The following EDC3 variants were observed in gnomAD, a reference collection of about 807,000 sequenced individuals.
The protein encoded by EDC3 is enhancer of mRNA decapping 3, also known as enhancer of mRNA-decapping protein 3.
EDC3 carries 20 observed loss-of-function variants against 41.8 expected under a neutral mutation model. That is an observed-to-expected ratio of 0.48 (90% CI 0.34 to 0.70). The LOEUF is 0.70. EDC3 is among the 30% of genes least tolerant of loss of function. EDC3 has a pLI of 0.01. For synonymous variants in EDC3, 206 were observed against 243.2 expected (o/e 0.85, Z 1.42); for missense variants, 444 against 636.8 (o/e 0.70, Z 3.26).
At chr15:74,651,715 A>G (rs929832787) in intron 4 of EDC3, among the ~76,000 whole-genome samples, 6 of 152,252 alleles carry the variant, frequency 3.9e-5, no homozygotes, top group Non-Finnish European at 8.8e-5. Context: ...GAGCTCTCCA[A>G]GTTACTTCTG....
chr15:74,658,518 T>G (rs183298087), intron 3 of EDC3, among the ~76,000 whole-genome samples: 7 of 149,864 alleles, frequency 4.7e-5, no homozygotes, highest in African/African-American at 4.9e-5. Flanking sequence ...ATAATTATTC[T>G]GAAAGGTATA....
intron 6 of EDC3, chr15:74,635,172 C>G (rs1180707027): frequency 1.5e-6 from 1 of 688,034 alleles, no homozygotes; most frequent in Non-Finnish European, 2.7e-6. Flanking sequence ...AGTGCCTGTT[C>G]AACGAATATT....
At chr15:74,680,044 C>G (rs139036853) in intron 1 of EDC3, 1 of 151,808 alleles carries the variant, frequency 6.6e-6, no homozygotes, top group East Asian at 1.9e-4. Context: ...GGGCGGATCA[C>G]GAGGTCAGGA....
chr15:74,680,928 A>C (rs1466829275), intron 1 of EDC3, among the ~76,000 whole-genome samples: 1 of 152,228 alleles, frequency 6.6e-6, no homozygotes, highest in Non-Finnish European at 1.5e-5. Context: ...AAAAGGGTAC[A>C]GGATTTGTAT....
intron 1 of EDC3, among the ~76,000 whole-genome samples, chr15:74,690,629 T>C (rs901121910): frequency 3.3e-4 from 50 of 152,264 alleles, no homozygotes; most frequent in African/African-American, 1.2e-3. Flanking sequence ...TTAATCAAAA[T>C]ATTGGGAAAG....
In EDC3 at chr15:74,661,431, C is replaced by T. The variant is rs549592596; in HGVS notation, c.485-5363G>A. On this transcript the variant is annotated intron_variant, in intron 3 of 6. Transcript: ENST00000315127. Reference sequence around the variant, plus strand: ...GTTTCTGTAAATAAAGTTTTATTGGCGCACAGTCATGGTCTAGGCAAAGTG... The same window carrying T: ...GTTTCTGTAAATAAAGTTTTATTGGTGCACAGTCATGGTCTAGGCAAAGTG... Among the ~76,000 whole-genome samples the T allele has an allele frequency of 1.3e-3, 204 of 152,178 alleles. 2 individuals carry two copies. The highest frequency in any genetic ancestry group is 4.3e-3 in the African/African-American group (178 of 41,510).
At chr15:74,657,045 T>C (rs373223919) in intron 3 of EDC3, among the ~76,000 whole-genome samples, 1 of 152,216 alleles carries the variant, frequency 6.6e-6, no homozygotes, top group Admixed American at 6.5e-5. Context: ...CTTTAATTCA[T>C]TCATGTGACC....
intron 1 of EDC3, among the ~76,000 whole-genome samples, chr15:74,684,203 A>G (rs2062910032): frequency 6.7e-6 from 1 of 148,730 alleles, no homozygotes; most frequent in Non-Finnish European, 1.5e-5. Flanking sequence ...ATGGCCAGCT[A>G]ATATTTTCTG....
chr15:74,640,739 T>C (rs2062341148), intron 4 of EDC3, 120 bp from the exon 5 acceptor site: 6 of 1,262,414 alleles, frequency 4.8e-6, no homozygotes, highest in Non-Finnish European at 6.6e-6. Flanking sequence ...CCCTGGCCCA[T>C]CCTCTTCATC....
At chr15:74,661,839 T>A in intron 3 of EDC3, among the ~76,000 whole-genome samples, 1 of 150,634 alleles carries the variant, frequency 6.6e-6, no homozygotes, top group East Asian at 1.9e-4. Context: ...TCAAAGGTAA[T>A]AGGAAAGGAG....
chr15:74,681,402 C>T (rs1296716171), intron 1 of EDC3, among the ~76,000 whole-genome samples: 3 of 151,992 alleles, frequency 2.0e-5, no homozygotes, highest in Admixed American at 6.6e-5. Flanking sequence ...CCACCCACCT[C>T]AGCCTCCCAA....
At position 74,688,265 on chromosome 15, in the gene EDC3, C is replaced by G. The variant is rs1322055615; in HGVS notation, c.-19+7615G>C. 2.6e-5 allele frequency among the ~76,000 whole-genome samples: 4 copies of G among 152,338 alleles called. No homozygotes were observed. In the East Asian group the frequency reaches 7.7e-4, roughly 29 times the overall value. On this transcript the variant is annotated intron_variant, in intron 1 of 6. Coordinates refer to ENST00000315127, the MANE Select transcript of EDC3 (RefSeq NM_025083.5). ...GGAAGGGGCTCCATCAATTATACAG[C>G]TAACACCTCCACGTCAAAAGAAGTA...
At chr15:74,680,466 G>C (rs759223642) in intron 1 of EDC3, among the ~76,000 whole-genome samples, 8 of 151,888 alleles carry the variant, frequency 5.3e-5, no homozygotes, top group Non-Finnish European at 8.8e-5. Flanking sequence ...TTTTTAAAAA[G>C]CCTCTCAGAA....
intron 3 of EDC3, among the ~76,000 whole-genome samples, chr15:74,670,741 T>G (rs182570145): frequency 6.6e-6 from 1 of 152,300 alleles, no homozygotes; most frequent in Non-Finnish European, 1.5e-5. Flanking sequence ...CAACTATGGT[T>G]TTATAATCAG....
At chr15:74,695,100 G>A (rs1484960750) in intron 1 of EDC3, among the ~76,000 whole-genome samples, 1 of 152,186 alleles carries the variant, frequency 6.6e-6, no homozygotes, top group East Asian at 1.9e-4. Context: ...TGTGGCGAAG[G>A]AAGAGAAGAA....
At chr15:74,649,005 A>C (rs1022427277) in intron 4 of EDC3, among the ~76,000 whole-genome samples, 1 of 150,808 alleles carries the variant, frequency 6.6e-6, no homozygotes, top group African/African-American at 2.4e-5. Context: ...CAATCCCCCA[A>C]CCTGTGCCTC....
At chr15:74,635,293 G>A (rs1200976614) in intron 6 of EDC3, 116 bp downstream of exon 6, 2 of 942,392 alleles carry the variant, frequency 2.1e-6, no homozygotes, top group Non-Finnish European at 3.4e-6. Flanking sequence ...TAGAGGCGAA[G>A]CACCATCCTT....
intron 3 of EDC3, among the ~76,000 whole-genome samples, chr15:74,670,700 G>C (rs1484626032): frequency 6.6e-6 from 1 of 152,210 alleles, no homozygotes; most frequent in Non-Finnish European, 1.5e-5. Flanking sequence ...AAAGTGCTAG[G>C]ATTACAGGTG....
At chr15:74,644,281 C>T (rs1005373781) in intron 4 of EDC3, 3 of 152,300 alleles carry the variant, frequency 2.0e-5, no homozygotes, top group Non-Finnish European at 1.5e-5. Context: ...CCTCAAGAGA[C>T]AGTTCGCTTC....
Sources: allele counts gnomAD v4.1 joint callset (sites outside exome capture counted in the v4.1 genomes callset), GRCh38; gene constraint gnomAD v4.1.1; transcripts MANE v1.5; gene names NCBI Gene and HGNC (gene_info 2026-07-23, HGNC 2026-07-21).